Variants in PHACTR1 observed in about 807,000 individuals in gnomAD.
PHACTR1 encodes RPEL repeat containing 1.
PHACTR1 carries 16 observed loss-of-function variants against 69.2 expected under a neutral mutation model. That is an observed-to-expected ratio of 0.23 (90% CI 0.16 to 0.35). PHACTR1 has a LOEUF of 0.35. Ranked by LOEUF, PHACTR1 falls within the 10% of genes least tolerant of loss-of-function variation. The pLI is 1.00. For missense variants in PHACTR1, 510 were observed against 734.7 expected, an observed-to-expected ratio of 0.69 and a Z score of 3.54; for synonymous variants, 312 against 284.5, an observed-to-expected ratio of 1.10 and a Z score of -0.97.
At chr6:12,762,809 A>C (rs1171452741) in intron 4 of PHACTR1, among the ~76,000 whole-genome samples, 2 of 152,236 alleles carry the variant, frequency 1.3e-5, no homozygotes, top group African/African-American at 4.8e-5. Flanking sequence ...TATATAGGTC[A>C]GGTCCTTTCA....
intron 11 of PHACTR1, chr6:13,278,037 T>G: frequency 2.8e-6 from 1 of 355,050 alleles, no homozygotes; most frequent in Non-Finnish European, 5.3e-6. Flanking sequence ...CCATGTGATG[T>G]AAAGAAGGCA....
chr6:12,985,543 T>A (rs186298137), intron 4 of PHACTR1, among the ~76,000 whole-genome samples: 9,674 of 133,210 alleles, frequency 0.073, 409 homozygotes, highest in South Asian at 0.11. Context: ...AAAAAAAAAA[T>A]ATATATATAT....
intron 5 of PHACTR1, among the ~76,000 whole-genome samples, chr6:13,141,079 T>A (rs1822365233): frequency 6.6e-6 from 1 of 152,220 alleles, no homozygotes; most frequent in Non-Finnish European, 1.5e-5. Flanking sequence ...GCAGAGTCCC[T>A]TTTATGAGTA....
chr6:12,911,293 C>T (rs754587302), intron 4 of PHACTR1, among the ~76,000 whole-genome samples: 2 of 151,904 alleles, frequency 1.3e-5, no homozygotes, highest in South Asian at 2.1e-4. Flanking sequence ...CTGCAGAAAT[C>T]GACATTGGGG....
chr6:12,946,491 G>T (rs1378568770), intron 4 of PHACTR1, among the ~76,000 whole-genome samples: 1 of 152,152 alleles, frequency 6.6e-6, no homozygotes, highest in Non-Finnish European at 1.5e-5. Flanking sequence ...AGAGGGTAAG[G>T]ATGTGAATTG....
At chr6:13,175,709 A>G (rs1441588725) in intron 6 of PHACTR1, among the ~76,000 whole-genome samples, 1 of 152,088 alleles carries the variant, frequency 6.6e-6, no homozygotes, top group African/African-American at 2.4e-5. Context: ...ACTGTTAAGG[A>G]TTTGAGGGGC....
Position 12,812,414 on chromosome 6 carries a change from G to A in PHACTR1, c.250+62624G>A, listed in dbSNP as rs911994512. Among the ~76,000 whole-genome samples, 8 of 152,192 alleles carry A rather than the reference G, an allele frequency of 5.3e-5. No homozygotes were observed. In the East Asian group the frequency reaches 1.3e-3, roughly 26 times the overall value. On this transcript the variant is annotated intron_variant, in intron 4 of 14. Coordinates refer to ENST00000332995, the MANE Select transcript of PHACTR1 (RefSeq NM_030948.6). ...TTTGATATTTTAAGTGTGTCATCAC[G>A]TGGAGTCCTTGTAATAGCACTAAGA...
At chr6:12,909,629 T>C (rs1412517092) in intron 4 of PHACTR1, among the ~76,000 whole-genome samples, 2 of 152,178 alleles carry the variant, frequency 1.3e-5, no homozygotes, top group African/African-American at 4.8e-5. Flanking sequence ...AAAAGTGCAG[T>C]GTAAATACAA....
chr6:13,081,922 G>C (rs1474166773), intron 5 of PHACTR1, among the ~76,000 whole-genome samples: 1 of 152,186 alleles, frequency 6.6e-6, no homozygotes, highest in Non-Finnish European at 1.5e-5. Context: ...AGGAATACTA[G>C]AACAAGTGGT....
intron 12 of PHACTR1, among the ~76,000 whole-genome samples, chr6:13,279,053 CCT>C (rs1779589367): frequency 6.7e-6 from 1 of 149,244 alleles, no homozygotes. Flanking sequence ...TTTTGCTCCC[CCT>C]GACACTATTC....
At chr6:12,754,539 G>A (rs1446036590) in intron 4 of PHACTR1, among the ~76,000 whole-genome samples, 1 of 152,166 alleles carries the variant, frequency 6.6e-6, no homozygotes, top group Non-Finnish European at 1.5e-5. Context: ...TAGTGTAGAA[G>A]CCTTCCCTCC....
At chr6:13,160,057 G>T in intron 5 of PHACTR1, 147 bp from the exon 6 acceptor site, 1 of 657,924 alleles carries the variant, frequency 1.5e-6, no homozygotes, top group South Asian at 1.7e-5. Context: ...ATATTAACTG[G>T]TATGTCTCAT....
chr6:12,951,083 C>T (rs998975067), intron 4 of PHACTR1, among the ~76,000 whole-genome samples: 1 of 152,106 alleles, frequency 6.6e-6, no homozygotes, highest in African/African-American at 2.4e-5. Context: ...GCTGAGCTGG[C>T]CAAAAAGCAA....
At position 12,944,272 on chromosome 6, in the gene PHACTR1, A is replaced by G. The variant is rs79648356; in HGVS notation, c.251-109093A>G. Among the ~76,000 whole-genome samples, 161 of 152,362 alleles carry G rather than the reference A, an allele frequency of 1.1e-3. 1 individual carries two copies. The highest frequency in any genetic ancestry group is 3.7e-3 in the African/African-American group (155 of 41,584). ...GAGTCCAACTCCTGGGCTGTTAAGT[A>G]TGCTTAATTCTAAGCTTCTAGTTCA... On this transcript the variant is annotated intron_variant, in intron 4 of 14. Coordinates refer to ENST00000332995, the MANE Select transcript of PHACTR1 (RefSeq NM_030948.6).
intron 4 of PHACTR1, among the ~76,000 whole-genome samples, chr6:12,750,330 G>T (rs1400238975): frequency 6.6e-6 from 1 of 152,182 alleles, no homozygotes; most frequent in Admixed American, 6.5e-5. Flanking sequence ...GCATGGTCTG[G>T]AGAATGCACG....
chr6:12,792,544 AT>A (rs1250294504), intron 4 of PHACTR1, among the ~76,000 whole-genome samples: 1 of 142,434 alleles, frequency 7.0e-6, no homozygotes, highest in East Asian at 2.4e-4. Flanking sequence ...GAGTGGTTTT[AT>A]TACTAAAAAC....
intron 5 of PHACTR1, among the ~76,000 whole-genome samples, chr6:13,133,908 G>C (rs1344751461): frequency 6.7e-6 from 1 of 149,872 alleles, no homozygotes; most frequent in Non-Finnish European, 1.5e-5. Flanking sequence ...CTGCCCGGCC[G>C]CCCATCGTCT....
chr6:12,919,315 G>C lies in PHACTR1; in HGVS notation c.251-134050G>C, dbSNP rs570475196. Among the ~76,000 whole-genome samples, 7 of 152,046 alleles carry C rather than the reference G, an allele frequency of 4.6e-5. No individual in the cohort carries two copies. In the South Asian group the frequency reaches 1.5e-3, roughly 32 times the overall value. On this transcript the variant is annotated intron_variant, in intron 4 of 14. Transcript: ENST00000332995. Reference sequence around the variant, plus strand: ...GCACCACCATGTCCAGCTAATTTTTGTAGTTTTAGTAGAGACGGGGTTTCA... The same window carrying C: ...GCACCACCATGTCCAGCTAATTTTTCTAGTTTTAGTAGAGACGGGGTTTCA...
At chr6:12,751,870 G>C (rs755051150) in intron 4 of PHACTR1, among the ~76,000 whole-genome samples, 3 of 152,196 alleles carry the variant, frequency 2.0e-5, no homozygotes, top group Non-Finnish European at 4.4e-5. Context: ...TAGCAGCCTG[G>C]TCTGTACTGC....
Sources: allele counts gnomAD v4.1 joint callset (sites outside exome capture counted in the v4.1 genomes callset), GRCh38; gene constraint gnomAD v4.1.1; transcripts MANE v1.5; gene names NCBI Gene and HGNC (gene_info 2026-07-23, HGNC 2026-07-21).